DPP10: variants seen among roughly 807,000 people sequenced by gnomAD.
The protein encoded by DPP10 is dipeptidyl peptidase like 10.
Under a neutral mutation model 120.9 loss-of-function variants are expected in DPP10, and 33 were observed. The ratio of observed to expected loss-of-function variants is 0.27; its 90% CI spans 0.21 to 0.37. DPP10 has a LOEUF of 0.37. Ranked by LOEUF, DPP10 falls within the 10% of genes least tolerant of loss-of-function variation. DPP10 has a pLI of 1.00. For synonymous variants in DPP10, 337 were observed against 326.1 expected, an observed-to-expected ratio of 1.03 and a Z score of -0.36; for missense variants, 816 against 942.8, an observed-to-expected ratio of 0.87 and a Z score of 1.76.
chr2:115,080,953 C>A (rs551924565), intron 1 of DPP10, among the ~76,000 whole-genome samples: 1 of 152,292 alleles, frequency 6.6e-6, no homozygotes, highest in Non-Finnish European at 1.5e-5. Flanking sequence ...GACTGTCTGA[C>A]TTTGTTGCTG....
chr2:115,263,272 C>T (rs2059328753), intron 1 of DPP10, among the ~76,000 whole-genome samples: 1 of 152,180 alleles, frequency 6.6e-6, no homozygotes, highest in Admixed American at 6.6e-5. Flanking sequence ...TCTTGTAACA[C>T]ATAATGGGTA....
At chr2:115,421,244 T>A (rs924511876) in intron 3 of DPP10, among the ~76,000 whole-genome samples, 1 of 152,190 alleles carries the variant, frequency 6.6e-6, no homozygotes, top group Non-Finnish European at 1.5e-5. Context: ...TCCAGAAATA[T>A]ACAAATATAT....
At chr2:115,524,940 T>C (rs559155694) in intron 4 of DPP10, among the ~76,000 whole-genome samples, 1 of 152,134 alleles carries the variant, frequency 6.6e-6, no homozygotes, top group South Asian at 2.1e-4. Context: ...TCTTATCCTA[T>C]CCATTGTGTT....
At chr2:115,613,901 G>A (rs2084296407) in intron 5 of DPP10, among the ~76,000 whole-genome samples, 1 of 152,152 alleles carries the variant, frequency 6.6e-6, no homozygotes, top group Non-Finnish European at 1.5e-5. Context: ...ATCCTTTGGG[G>A]AGCACTGGAG....
intron 4 of DPP10, among the ~76,000 whole-genome samples, chr2:115,512,622 A>G (rs1433845508): frequency 6.6e-6 from 1 of 151,496 alleles, no homozygotes; most frequent in African/African-American, 2.4e-5. Context: ...GCATTTTATT[A>G]TTTCTGTTGT....
At chr2:115,590,567 T>C (rs878967559) in intron 5 of DPP10, among the ~76,000 whole-genome samples, 1 of 152,240 alleles carries the variant, frequency 6.6e-6, no homozygotes, top group Non-Finnish European at 1.5e-5. Context: ...CAGTCTATCA[T>C]TGATGGACAT....
chr2:114,759,095 C>A (rs1398648904), intron 1 of DPP10, among the ~76,000 whole-genome samples: 1 of 152,160 alleles, frequency 6.6e-6, no homozygotes, highest in Non-Finnish European at 1.5e-5. Flanking sequence ...ATTGAAAAGA[C>A]CACTTTCCAA....
rs561196027 is a variant in DPP10 at position 115,016,268 on chromosome 2, T to C, written c.61-292971T>C. Among the ~76,000 whole-genome samples the C allele has an allele frequency of 2.4e-4, 37 of 152,280 alleles. No homozygotes were observed. The East Asian group carries it at 6.4e-3, about 26-fold the overall frequency. ...AAGCAATGGGGAAAGGATTCCCTAT[T>C]TAATAAATGGTTTTTGGAAAACTGG... On this transcript the variant is annotated intron_variant, in intron 1 of 25. Coordinates refer to ENST00000410059, the MANE Select transcript of DPP10 (RefSeq NM_020868.6).
At chr2:115,152,904 CAA>C (rs774416965) in intron 1 of DPP10, among the ~76,000 whole-genome samples, 43 of 152,260 alleles carry the variant, frequency 2.8e-4, no homozygotes, top group Middle Eastern at 3.4e-3. Context: ...GGGTCAGAGA[CAA>C]AGACTTTGAT....
chr2:115,014,648 A>G (rs1242079025), intron 1 of DPP10, among the ~76,000 whole-genome samples: 7 of 152,152 alleles, frequency 4.6e-5, no homozygotes, highest in African/African-American at 9.7e-5. Flanking sequence ...ATAAAAAATG[A>G]TAAAGGGCAT....
rs764370523 is a variant in DPP10 at position 115,844,230 on chromosome 2, C to A, written c.*1885C>A. ...AGGCTAATTTGAAATCCAACTGAAG[C>A]TTTTTAACCAATATTTTAAATTTGA... On this transcript the variant is annotated 3_prime_UTR_variant, in exon 26 of 26. Transcript: ENST00000410059. 4 of 152,468 alleles carry A rather than the reference C, an allele frequency of 2.6e-5. No individual in the cohort carries two copies. Among genetic ancestry groups the A allele is most frequent in the Non-Finnish European group, 4.4e-5 (3 of 67,992 alleles). 9.4% of individuals were successfully genotyped at this position (152,468 alleles called of 1,614,324 possible).
At chr2:114,912,365 G>T (rs913805443) in intron 1 of DPP10, among the ~76,000 whole-genome samples, 1 of 152,010 alleles carries the variant, frequency 6.6e-6, no homozygotes, top group African/African-American at 2.4e-5. Context: ...AGCTCTCCAA[G>T]AATCAGAGCA....
At chr2:114,708,607 C>A (rs1700827635) in intron 1 of DPP10, among the ~76,000 whole-genome samples, 1 of 152,054 alleles carries the variant, frequency 6.6e-6, no homozygotes, top group Admixed American at 6.6e-5. Flanking sequence ...TTGGTTGCAA[C>A]TGTGGCTCAG....
intron 1 of DPP10, among the ~76,000 whole-genome samples, chr2:115,013,609 T>G (rs972099439): frequency 1.6e-5 from 2 of 122,556 alleles, no homozygotes; most frequent in African/African-American, 6.4e-5. Context: ...AAAACACACA[T>G]AGGCTCAAAA....
At chr2:115,230,489 G>A (rs541580571) in intron 1 of DPP10, among the ~76,000 whole-genome samples, 1 of 151,882 alleles carries the variant, frequency 6.6e-6, no homozygotes, top group Non-Finnish European at 1.5e-5. Flanking sequence ...ATGAACACTA[G>A]GATTATATTA....
At chr2:115,817,179 A>T (rs1342787687) in intron 21 of DPP10, among the ~76,000 whole-genome samples, 1 of 151,878 alleles carries the variant, frequency 6.6e-6, no homozygotes, top group East Asian at 2.0e-4. Flanking sequence ...CCCGGGAGGC[A>T]GAGTTTGAAG....
intron 1 of DPP10, among the ~76,000 whole-genome samples, chr2:115,269,840 G>A (rs1006761154): frequency 7.2e-5 from 11 of 152,060 alleles, no homozygotes; most frequent in Admixed American, 2.6e-4. Flanking sequence ...GACTCCCTTA[G>A]AAGCTGCCTA....
intron 7 of DPP10, among the ~76,000 whole-genome samples, chr2:115,715,305 C>T (rs1400127061): frequency 7.6e-6 from 1 of 131,928 alleles, no homozygotes; most frequent in Non-Finnish European, 1.5e-5. Context: ...CGCCAATGCA[C>T]TCCAGCCTGG....
chr2:115,533,156 T>C (rs1277014911), intron 5 of DPP10, among the ~76,000 whole-genome samples: 2 of 152,116 alleles, frequency 1.3e-5, no homozygotes, highest in Non-Finnish European at 2.9e-5. Context: ...TTATGTTTGT[T>C]ATCAGAAACT....
Sources: gnomAD v4.1 joint callset for allele counts (sites outside exome capture counted in the v4.1 genomes callset) on GRCh38, gnomAD v4.1.1 for gene constraint, MANE v1.5 for transcripts, NCBI Gene and HGNC (gene_info 2026-07-23, HGNC 2026-07-21) for gene names.